The following ZNF804B variants were observed in gnomAD, a reference collection of about 807,000 sequenced individuals.
ZNF804B encodes zinc finger 804B.
A neutral mutation model predicts 101.4 loss-of-function variants in ZNF804B; 80 were observed. That is an observed-to-expected ratio of 0.79 (90% CI 0.66 to 0.95). The LOEUF (loss-of-function observed/expected upper bound fraction) is 0.95. Ranked by LOEUF, ZNF804B falls within the 40% of genes least tolerant of loss-of-function variation. The pLI is 0.00. For missense variants in ZNF804B, 1,673 were observed against 1,561.9 expected, an observed-to-expected ratio of 1.07 and a Z score of -1.20; for synonymous variants, 622 against 558.8, an observed-to-expected ratio of 1.11 and a Z score of -1.59.
chr7:89,090,199 A>G (rs999289961), intron 1 of ZNF804B, among the ~76,000 whole-genome samples: 1 of 152,084 alleles, frequency 6.6e-6, no homozygotes, highest in African/African-American at 2.4e-5. Flanking sequence ...ATTTAAATAC[A>G]AAGAATAAAA....
rs1792560445 is a variant in ZNF804B, at chr7:88,912,326, A to G, written c.108+152242A>G. Among the ~76,000 whole-genome samples, 10 of 152,030 alleles carry G rather than the reference A, an allele frequency of 6.6e-5. No homozygotes were observed. In the South Asian group the frequency reaches 1.7e-3, roughly 25 times the overall value. On this transcript the variant is annotated intron_variant, in intron 1 of 3. Transcript: ENST00000333190. Reference sequence around the variant, plus strand: ...TATAATCTGGATATAATCTTTCATTAGAGAGGTACAGGAAATATATTTTTT... The same window carrying G: ...TATAATCTGGATATAATCTTTCATTGGAGAGGTACAGGAAATATATTTTTT...
chr7:88,966,715 TA>T (rs1793459523), intron 1 of ZNF804B, among the ~76,000 whole-genome samples: 1 of 151,512 alleles, frequency 6.6e-6, no homozygotes, highest in African/African-American at 2.4e-5. Context: ...CCATGACTTT[TA>T]GAGTCATTTA....
chr7:88,817,451 C>T (rs576281156), intron 1 of ZNF804B, among the ~76,000 whole-genome samples: 1 of 151,488 alleles, frequency 6.6e-6, no homozygotes, highest in East Asian at 2.0e-4. Flanking sequence ...GCGCTACCAA[C>T]CTAATGGCTC....
intron 1 of ZNF804B, among the ~76,000 whole-genome samples, chr7:88,942,089 G>GA (rs1793062320): frequency 1.3e-5 from 2 of 151,680 alleles, no homozygotes; most frequent in African/African-American, 4.8e-5. Flanking sequence ...ATAATCCTAA[G>GA]AAAATCTACA....
chr7:88,787,519 T>C (rs1292048719), intron 1 of ZNF804B, among the ~76,000 whole-genome samples: 1 of 152,162 alleles, frequency 6.6e-6, no homozygotes, highest in Non-Finnish European at 1.5e-5. Context: ...AAGATGAGGT[T>C]TGCACAGTTT....
At chr7:88,779,959 T>C (rs1790198168) in intron 1 of ZNF804B, among the ~76,000 whole-genome samples, 1 of 152,200 alleles carries the variant, frequency 6.6e-6, no homozygotes, top group South Asian at 2.1e-4. Context: ...TGGTCATTCA[T>C]TCATTCAATC....
intron 1 of ZNF804B, among the ~76,000 whole-genome samples, chr7:88,873,964 G>T (rs1043700072): frequency 6.6e-6 from 1 of 152,066 alleles, no homozygotes; most frequent in Non-Finnish European, 1.5e-5. Context: ...CTCTTTTTTG[G>T]TTCCATATGA....
chr7:89,002,571 G>A (rs1788305678), intron 1 of ZNF804B, among the ~76,000 whole-genome samples: 2 of 151,786 alleles, frequency 1.3e-5, no homozygotes, highest in South Asian at 4.2e-4. Context: ...ATGAAAGGTG[G>A]CATTCTTTTT....
At chr7:88,978,296 A>G (rs1289813414) in intron 1 of ZNF804B, among the ~76,000 whole-genome samples, 2 of 151,754 alleles carry the variant, frequency 1.3e-5, no homozygotes, top group Non-Finnish European at 2.9e-5. Flanking sequence ...TGCCTGGAAA[A>G]TCTATCCAAT....
intron 1 of ZNF804B, among the ~76,000 whole-genome samples, chr7:88,928,518 A>ATAC (rs1454471839): frequency 6.6e-6 from 1 of 152,152 alleles, no homozygotes; most frequent in Admixed American, 6.6e-5. Flanking sequence ...CCTAGATATG[A>ATAC]TACATCTGGC....
At chr7:88,993,566 A>G (rs1262457534) in intron 1 of ZNF804B, among the ~76,000 whole-genome samples, 1 of 152,066 alleles carries the variant, frequency 6.6e-6, no homozygotes, top group African/African-American at 2.4e-5. Context: ...AACAAATGCT[A>G]GAATTATCCT....
At chr7:88,954,529 T>C (rs1270280345) in intron 1 of ZNF804B, among the ~76,000 whole-genome samples, 1 of 145,474 alleles carries the variant, frequency 6.9e-6, no homozygotes, top group East Asian at 2.1e-4. Context: ...ATTAGCATGC[T>C]ATAAGAGAAA....
At chr7:88,762,381 G>A (rs1039484593) in intron 1 of ZNF804B, among the ~76,000 whole-genome samples, 8 of 152,114 alleles carry the variant, frequency 5.3e-5, no homozygotes, top group African/African-American at 1.4e-4. Context: ...AACAAGTTGA[G>A]GTCCTCTTCC....
chr7:88,849,849 A>T (rs1271329187), intron 1 of ZNF804B, among the ~76,000 whole-genome samples: 3 of 151,974 alleles, frequency 2.0e-5, no homozygotes, highest in Non-Finnish European at 4.4e-5. Context: ...TATTTGCCTT[A>T]TTTAAAAATA....
chr7:89,180,457 A>T (rs1302382904), intron 1 of ZNF804B, among the ~76,000 whole-genome samples: 1 of 152,044 alleles, frequency 6.6e-6, no homozygotes, highest in Non-Finnish European at 1.5e-5. Flanking sequence ...AATGGTGGGT[A>T]CTGCCTGAAT....
intron 1 of ZNF804B, among the ~76,000 whole-genome samples, chr7:89,134,733 C>G (rs6962395): frequency 0.094 from 14,306 of 152,008 alleles, 747 homozygotes; most frequent in Middle Eastern, 0.15. Context: ...TGGGTAAATT[C>G]TTTGTAGAAC....
chr7:89,074,562 T>C (rs1353089294), intron 1 of ZNF804B, among the ~76,000 whole-genome samples: 1 of 152,186 alleles, frequency 6.6e-6, no homozygotes, highest in Non-Finnish European at 1.5e-5. Flanking sequence ...AGGCCTCCCA[T>C]GCCATGTGGA....
intron 1 of ZNF804B, among the ~76,000 whole-genome samples, chr7:89,155,899 T>A (rs554691447): frequency 6.6e-6 from 1 of 151,784 alleles, no homozygotes; most frequent in Non-Finnish European, 1.5e-5. Flanking sequence ...CTCTCTTTCT[T>A]CTTTCTTTCT....
intron 1 of ZNF804B, among the ~76,000 whole-genome samples, chr7:88,983,237 A>G (rs542841395): frequency 2.0e-5 from 3 of 152,216 alleles, no homozygotes; most frequent in Non-Finnish European, 4.4e-5. Context: ...CAGGTTCTAC[A>G]TTTAACAAGA....
Sources: allele counts gnomAD v4.1 joint callset (sites outside exome capture counted in the v4.1 genomes callset), GRCh38; gene constraint gnomAD v4.1.1; transcripts MANE v1.5; gene names NCBI Gene and HGNC (gene_info 2026-07-23, HGNC 2026-07-21).